The following BCAS3 variants were observed in gnomAD, a reference collection of about 807,000 sequenced individuals.
The protein encoded by BCAS3 is BCAS3 microtubule associated cell migration factor.
BCAS3 carries 53 observed loss-of-function variants against 116.1 expected under a neutral mutation model. That is an observed-to-expected ratio of 0.46 (90% CI 0.37 to 0.57). BCAS3 has a LOEUF of 0.57. Ranked by LOEUF, BCAS3 falls within the 20% of genes least tolerant of loss-of-function variation. The pLI is 0.00. For missense variants in BCAS3, 917 were observed against 1,165.4 expected (o/e 0.79, Z 3.10); for synonymous variants, 391 against 408.2 (o/e 0.96, Z 0.51).
chr17:60,770,611 G>A (rs1386045768), intron 6 of BCAS3, among the ~76,000 whole-genome samples: 1 of 150,294 alleles, frequency 6.7e-6, no homozygotes, highest in East Asian at 2.0e-4. Flanking sequence ...TAGAGACAAG[G>A]TTTCACTGTG....
intron 22 of BCAS3, among the ~76,000 whole-genome samples, chr17:61,334,474 T>G (rs1263689856): frequency 1.3e-5 from 2 of 152,096 alleles, no homozygotes; most frequent in Non-Finnish European, 2.9e-5. Flanking sequence ...AAGACCAGCC[T>G]GACCAACGTG....
At chr17:61,291,245 G>A (rs1014484221) in intron 22 of BCAS3, among the ~76,000 whole-genome samples, 2 of 152,158 alleles carry the variant, frequency 1.3e-5, no homozygotes, top group South Asian at 2.1e-4. Flanking sequence ...GAATAACCCA[G>A]GCTCCAACTC....
rs1320941950 is a variant in BCAS3, at chr17:61,141,269, T to A, written c.2425+56705T>A. On this transcript the variant is annotated intron_variant, in intron 22 of 23. Coordinates refer to ENST00000407086, the MANE Select transcript of BCAS3 (RefSeq NM_017679.5). This position sits in a 1 kb window ranked among gnomAD's most constrained non-coding sequence, Gnocchi z 4.3. ...AATATTGAAACAATTATAAAGAAGT[T>A]AAATTAGGCTGGGCATGGGGGTTCA... Among the ~76,000 whole-genome samples, 1 of 152,126 alleles carries A rather than the reference T, an allele frequency of 6.6e-6. No individual in the cohort carries two copies. Among genetic ancestry groups the A allele is most frequent in the Admixed American group, 6.6e-5 (1 of 15,266 alleles).
chr17:60,849,190 A>C (rs549503599), intron 7 of BCAS3, among the ~76,000 whole-genome samples: 2 of 152,294 alleles, frequency 1.3e-5, no homozygotes, highest in African/African-American at 4.8e-5. Context: ...AGAGGCTAAA[A>C]ACTGTCAGAG....
Position 60,964,627 on chromosome 17 carries a change from T to C in BCAS3, c.1221+17275T>C, listed in dbSNP as rs2039113384. The stretch of plus-strand genomic sequence containing the variant: ...AGTACAATTGGTATTAATTCTTCTT[T>C]AAATGTTTGGTAGAATTCAGCAGTG... On this transcript the variant is annotated intron_variant, in intron 14 of 23. Coordinates refer to ENST00000407086, the MANE Select transcript of BCAS3 (RefSeq NM_017679.5). The surrounding 1 kb of genome is among the most constrained non-coding windows in gnomAD (Gnocchi z 4.6). Among the ~76,000 whole-genome samples, 1 of 152,204 alleles carries C rather than the reference T, an allele frequency of 6.6e-6. No individual in the cohort carries two copies. The highest frequency in any genetic ancestry group is 1.5e-5 in the Non-Finnish European group (1 of 68,030).
At chr17:60,795,541 T>C (rs1478827718) in intron 6 of BCAS3, among the ~76,000 whole-genome samples, 4 of 152,192 alleles carry the variant, frequency 2.6e-5, no homozygotes, top group Admixed American at 6.5e-5. Context: ...CAGTATTATG[T>C]TGGCTGTGGG....
chr17:60,891,255 C>T (rs1288289607), intron 10 of BCAS3, among the ~76,000 whole-genome samples: 1 of 152,182 alleles, frequency 6.6e-6, no homozygotes, highest in Non-Finnish European at 1.5e-5. Context: ...TGTATTCTCA[C>T]ATATGGGGAA....
rs397944612 is a variant in BCAS3, at chr17:61,151,392, C to CTT, written c.2425+66840_2425+66841dup. 2.1e-4 allele frequency among the ~76,000 whole-genome samples: 30 copies of CTT among 144,982 alleles called. No homozygotes were observed. Among genetic ancestry groups the CTT allele is most frequent in the East Asian group, 1.2e-3 (6 of 4,994 alleles). On this transcript the variant is annotated intron_variant, in intron 22 of 23. Transcript: ENST00000407086. The surrounding 1 kb of genome is among the most constrained non-coding windows in gnomAD (Gnocchi z 4.8). ...TACCTCCTCCTCCTGTTTTTTCCTA[C>CTT]TTTTTTTTTTTTTAACCTGTTAAGG...
chr17:60,786,571 A>ATATATATATATATATATAT (rs34629256), intron 6 of BCAS3, among the ~76,000 whole-genome samples: 1 of 149,572 alleles, frequency 6.7e-6, no homozygotes, highest in African/African-American at 2.5e-5. Context: ...ATATATATAT[A>ATATATATATATATATATAT]AAATGTGTCA....
At position 61,348,561 on chromosome 17, in the gene BCAS3, G is replaced by C. The variant is rs995518392; in HGVS notation, c.2426-19766G>C. 1.3e-5 allele frequency among the ~76,000 whole-genome samples: 2 copies of C among 152,092 alleles called. No homozygotes were observed. The highest frequency in any genetic ancestry group is 2.9e-5 in the Non-Finnish European group (2 of 68,030). On this transcript the variant is annotated intron_variant, in intron 22 of 23. Transcript: ENST00000407086. The surrounding 1 kb of genome is among the most constrained non-coding windows in gnomAD (Gnocchi z 4.5). ...TGCAGAGAGAATAAAGCGAGGCCTT[G>C]GGAGAGACTTGGGAGCGGTCAGAGA...
chr17:61,182,104 C>T (rs2079518807), intron 22 of BCAS3, among the ~76,000 whole-genome samples: 1 of 152,074 alleles, frequency 6.6e-6, no homozygotes, highest in African/African-American at 2.4e-5. Context: ...AAACTCCTGG[C>T]CTCAAGTGAT....
chr17:60,946,166 A>G (rs2060483388), intron 13 of BCAS3, among the ~76,000 whole-genome samples: 1 of 152,202 alleles, frequency 6.6e-6, no homozygotes, highest in Non-Finnish European at 1.5e-5. Flanking sequence ...TGGCAAGTTG[A>G]CAATGTTACT....
At chr17:61,358,660 C>T (rs1000446707) in intron 22 of BCAS3, among the ~76,000 whole-genome samples, 1 of 151,822 alleles carries the variant, frequency 6.6e-6, no homozygotes, top group Non-Finnish European at 1.5e-5. Flanking sequence ...CACCACCATG[C>T]CTGGCTAATT....
chr17:60,795,302 T>G (rs955846041), intron 6 of BCAS3, among the ~76,000 whole-genome samples: 1 of 152,218 alleles, frequency 6.6e-6, no homozygotes, highest in African/African-American at 2.4e-5. Context: ...TTTCATCAGT[T>G]CTAGGAGCTT....
At chr17:60,727,331 C>T in intron 5 of BCAS3, 1 of 1,393,004 alleles carries the variant, frequency 7.2e-7, no homozygotes, top group South Asian at 1.2e-5. Context: ...AACTGGCCTT[C>T]TCTGCCCACC....
chr17:60,746,125 C>G (rs1476988879), intron 5 of BCAS3, among the ~76,000 whole-genome samples: 1 of 151,846 alleles, frequency 6.6e-6, no homozygotes, highest in African/African-American at 2.4e-5. Flanking sequence ...GTTGTAAGTT[C>G]TTTTGTATCT....
intron 9 of BCAS3, among the ~76,000 whole-genome samples, chr17:60,875,615 G>A (rs1688532035): frequency 1.3e-5 from 2 of 152,112 alleles, no homozygotes; most frequent in South Asian, 4.1e-4. Flanking sequence ...GAAATTGAAA[G>A]TTCTTGCAGA....
chr17:61,072,516 T>C (rs897661733), intron 19 of BCAS3, among the ~76,000 whole-genome samples: 1 of 152,092 alleles, frequency 6.6e-6, no homozygotes, highest in Admixed American at 6.5e-5. Flanking sequence ...TGAGTACTTG[T>C]TCTGTGACAC....
chr17:60,705,650 A>G (rs2037027698), intron 4 of BCAS3, among the ~76,000 whole-genome samples: 1 of 152,178 alleles, frequency 6.6e-6, no homozygotes. Context: ...AAGTTAAGAG[A>G]AGACAGCTTG....
Sources: gnomAD v4.1 joint callset for allele counts (sites outside exome capture counted in the v4.1 genomes callset) on GRCh38, gnomAD v4.1.1 for gene constraint, Gnocchi (gnomAD v3.1) non-coding constraint, MANE v1.5 for transcripts, NCBI Gene and HGNC (gene_info 2026-07-23, HGNC 2026-07-21) for gene names.